ZNF85: variants seen among roughly 807,000 people sequenced by gnomAD.
ZNF85 encodes zinc finger protein 85.
A neutral mutation model predicts 53.9 loss-of-function variants in ZNF85; 50 were observed. The ratio of observed to expected loss-of-function variants is 0.93; its 90% CI spans 0.74 to 1.17. ZNF85 has a LOEUF of 1.17. ZNF85 is among the 50% of genes most tolerant of loss of function. The pLI, the probability that ZNF85 is intolerant of heterozygous loss-of-function variation, is 0.00. For synonymous variants in ZNF85, 225 were observed against 226.1 expected, an observed-to-expected ratio of 1.00 and a Z score of 0.04; for missense variants, 747 against 688.5, an observed-to-expected ratio of 1.08 and a Z score of -0.95.
intron 1 of ZNF85, among the ~76,000 whole-genome samples, chr19:20,923,943 G>A (rs943334323): frequency 2.6e-5 from 4 of 152,012 alleles, no homozygotes; most frequent in African/African-American, 9.7e-5. Context: ...AAATTAGCCG[G>A]GCGTCGTGGC....
At chr19:20,924,340 T>A (rs933432831) in intron 1 of ZNF85, among the ~76,000 whole-genome samples, 3 of 152,188 alleles carry the variant, frequency 2.0e-5, no homozygotes, top group African/African-American at 7.2e-5. Flanking sequence ...TAATTGGCAG[T>A]TTATAGTTGG....
intron 1 of ZNF85, among the ~76,000 whole-genome samples, chr19:20,933,029 CA>C (rs59744700): frequency 2.1e-3 from 293 of 138,440 alleles, no homozygotes; most frequent in Admixed American, 2.1e-3. Flanking sequence ...ACTAAAAATA[CA>C]AAAAAAAAAA....
Position 20,948,941 on chromosome 19 carries a change from A to T in ZNF85, c.427A>T (p.Ser143Cys). ...GLNQCLTATQ[S>C]KIFQCDKYVK... ...TAACCAATGTCTCACAGCTACCCAG[A>T]GCAAAATATTTCAATGTGATAAATA... The change falls in exon 4 of 4, where the codon AGC (serine) becomes TGC (cysteine). Residue 143 changes from serine (S) to cysteine (C), a missense_variant. Coordinates refer to ENST00000328178, the MANE Select transcript of ZNF85 (RefSeq NM_003429.5). The T allele has an allele frequency of 6.2e-7, 1 of 1,613,758 alleles. No individual in the cohort carries two copies. The highest frequency in any genetic ancestry group is 8.5e-7 in the Non-Finnish European group (1 of 1,179,770).
intron 1 of ZNF85, among the ~76,000 whole-genome samples, chr19:20,930,054 G>C (rs1346456744): frequency 6.8e-6 from 1 of 147,836 alleles, no homozygotes; most frequent in Non-Finnish European, 1.5e-5. Context: ...CCAGGAGGCA[G>C]AGGTTACAGT....
intron 1 of ZNF85, among the ~76,000 whole-genome samples, chr19:20,929,953 T>C (rs768960866): frequency 1.3e-4 from 20 of 152,068 alleles, no homozygotes; most frequent in Non-Finnish European, 2.4e-4. Flanking sequence ...ACCCCATCCC[T>C]ACTTAAAAAA....
intron 3 of ZNF85, chr19:20,942,792 T>C (rs1489098718): frequency 5.7e-6 from 4 of 700,214 alleles, no homozygotes; most frequent in African/African-American, 5.2e-5. Context: ...CATTGTTATT[T>C]TGACGCAGAA....
chr19:20,923,285 C>T lies in ZNF85; in HGVS notation c.-116C>T, dbSNP rs1972797674. 1.3e-6 allele frequency: 2 copies of T among 1,539,466 alleles called. No individual in the cohort carries two copies. The highest frequency in any genetic ancestry group is 1.8e-6 in the Non-Finnish European group (2 of 1,117,392). On this transcript the variant is annotated 5_prime_UTR_variant, in exon 1 of 4. Coordinates refer to ENST00000328178, the MANE Select transcript of ZNF85 (RefSeq NM_003429.5). ...TCTCGCTGCAGCCTGAGCTCTAGGT[C>T]TTGTTTTCCCTGCTTTGTGTTTTCT...
intron 3 of ZNF85, chr19:20,943,709 T>C (rs1323562896): frequency 6.6e-6 from 1 of 152,226 alleles, no homozygotes. Context: ...CTACAATTAT[T>C]ATGTTGCTAT....
chr19:20,934,192 G>T, intron 2 of ZNF85, 42 bp downstream of exon 2: 10 of 1,578,328 alleles, frequency 6.3e-6, no homozygotes, highest in South Asian at 2.3e-5. Context: ...ATGCCCTAAA[G>T]GTTTTATTTC....
intron 3 of ZNF85, chr19:20,942,762 AATTT>A (rs1568552894): frequency 4.3e-6 from 3 of 689,976 alleles, no homozygotes; most frequent in African/African-American, 3.5e-5. Context: ...TGTCTGCTTA[AATTT>A]ATTTGTTGTT....
chr19:20,943,341 T>C (rs1472878994), intron 3 of ZNF85: 1 of 152,804 alleles, frequency 6.5e-6, no homozygotes, highest in African/African-American at 2.4e-5. Flanking sequence ...ATCCTCTTGG[T>C]AATCAAAAAG....
chr19:20,940,250 C>T (rs1326602690), intron 3 of ZNF85, among the ~76,000 whole-genome samples: 1 of 151,854 alleles, frequency 6.6e-6, no homozygotes, highest in Non-Finnish European at 1.5e-5. Context: ...CATTTTAGGG[C>T]CAGGCATGGT....
At chr19:20,935,094 C>A in intron 3 of ZNF85, 47 bp downstream of exon 3, 2 of 1,294,036 alleles carry the variant, frequency 1.5e-6, no homozygotes, top group Non-Finnish European at 2.2e-6. Flanking sequence ...ATGAGAGGTC[C>A]AAAGGCCAAA....
chr19:20,949,750 C>A lies in ZNF85; in HGVS notation c.1236C>A (p.Thr412=). 1 of 1,611,022 alleles carries A rather than the reference C, an allele frequency of 6.2e-7. No homozygotes were observed. Among genetic ancestry groups the A allele is most frequent in the Non-Finnish European group, 8.5e-7 (1 of 1,178,736 alleles). Residue 412 remains threonine, a synonymous_variant, in exon 4 of 4, where the codon ACC becomes ACA. Coordinates refer to ENST00000328178, the MANE Select transcript of ZNF85 (RefSeq NM_003429.5). ...GTAAAGCTTTTAAACACTCTTCAAC[C>A]CTTACTAAACATAAGATAATTCATA... ...ECGKAFKHSS[T]LTKHKIIHTG...
At chr19:20,928,360 A>G (rs1291831775) in intron 1 of ZNF85, 1 of 152,346 alleles carries the variant, frequency 6.6e-6, no homozygotes, top group Non-Finnish European at 1.5e-5. Context: ...CTGGCCTCGA[A>G]TGGAACTCTG....
chr19:20,932,606 A>G (rs111240021), intron 1 of ZNF85, among the ~76,000 whole-genome samples: 1,819 of 152,252 alleles, frequency 0.012, 33 homozygotes, highest in African/African-American at 0.035. Flanking sequence ...TTCCATCTGT[A>G]TTCTCCATTA....
chr19:20,944,441 T>C (rs1973374020), intron 3 of ZNF85: 1 of 149,280 alleles, frequency 6.7e-6, no homozygotes, highest in Admixed American at 6.7e-5. Flanking sequence ...TATTTTTATC[T>C]TGTTTTTGAA....
At position 20,950,193 on chromosome 19, in the gene ZNF85, A is replaced by T; in HGVS notation, c.1679A>T (p.His560Leu). 1.9e-6 allele frequency: 3 copies of T among 1,612,806 alleles called. No homozygotes were observed. The highest frequency in any genetic ancestry group is 2.5e-6 in the Non-Finnish European group (3 of 1,179,536). Reference protein sequence around the residue: ...SSNLTKHKRIHTGEKPYKCEE... With the variant: ...SSNLTKHKRILTGEKPYKCEE... The stretch of plus-strand genomic sequence containing the variant: ...AACCTTACTAAACATAAGAGAATTC[A>T]TACTGGAGAAAAACCTTACAAATGT... The change falls in exon 4 of 4, where the codon CAT becomes CTT. Residue 560 changes from histidine (H) to leucine (L), a missense_variant. Coordinates refer to ENST00000328178, the MANE Select transcript of ZNF85 (RefSeq NM_003429.5).
chr19:20,933,955 TTATGTGTG>T (rs1280745002), intron 1 of ZNF85, 61 bp from the exon 2 acceptor site: 16 of 1,304,258 alleles, frequency 1.2e-5, no homozygotes, highest in East Asian at 2.7e-5. Flanking sequence ...CAGTTGGTAA[TTATGTGTG>T]TGTGTGTGTG....
Sources: allele counts gnomAD v4.1 joint callset (sites outside exome capture counted in the v4.1 genomes callset), GRCh38; gene constraint gnomAD v4.1.1; transcripts MANE v1.5; gene names NCBI Gene and HGNC (gene_info 2026-07-23, HGNC 2026-07-21).